Variants in DMD observed in about 807,000 individuals in gnomAD.
DMD encodes the protein mutant dystrophin.
A neutral mutation model predicts 330.1 loss-of-function variants in DMD; 63 were observed. The ratio of observed to expected loss-of-function variants is 0.19; its 90% CI spans 0.16 to 0.24. The LOEUF (loss-of-function observed/expected upper bound fraction) is 0.24, where lower values mean the gene tolerates loss of function less well. Among genes scored for constraint, DMD ranks in the 10% least tolerant of loss-of-function variants. The pLI is 1.00. For synonymous variants in DMD, 1,223 were observed against 959.8 expected (o/e 1.27, Z -5.07); for missense variants, 3,344 against 2,684.1 (o/e 1.25, Z -5.43).
chrX:32,976,656 C>G (rs1024778305), intron 2 of DMD, among the ~76,000 whole-genome samples: 1 of 111,619 alleles, frequency 9.0e-6, no homozygotes, highest in African/African-American at 3.3e-5. Flanking sequence ...ATCATTCATA[C>G]CACTCACCTG....
chrX:31,758,355 G>A (rs976749432), intron 51 of DMD, among the ~76,000 whole-genome samples: 14 of 110,798 alleles, frequency 1.3e-4, no homozygotes, highest in African/African-American at 4.6e-4. Flanking sequence ...ACTGACTTTC[G>A]CAAAACCATC....
intron 22 of DMD, among the ~76,000 whole-genome samples, chrX:32,469,775 G>C (rs2040426093): frequency 9.0e-6 from 1 of 110,558 alleles, no homozygotes. Flanking sequence ...TCCATTATTA[G>C]TTCTACACAT....
chrX:31,571,146 A>G (rs1227574224), intron 55 of DMD, among the ~76,000 whole-genome samples: 1 of 111,363 alleles, frequency 9.0e-6, no homozygotes, highest in Non-Finnish European at 1.9e-5. Context: ...ACTCAATAGC[A>G]TTGTTAAATA....
At chrX:32,664,301 G>A (rs1355172148) in intron 9 of DMD, among the ~76,000 whole-genome samples, 1 of 101,017 alleles carries the variant, frequency 9.9e-6, no homozygotes, top group Non-Finnish European at 2.0e-5. Flanking sequence ...GAGTGCAGTA[G>A]CGCGATATCC....
intron 1 of DMD, among the ~76,000 whole-genome samples, chrX:33,076,769 C>T (rs1227991938): frequency 9.0e-6 from 1 of 111,687 alleles, no homozygotes; most frequent in Non-Finnish European, 1.9e-5. Flanking sequence ...AGGTTCAACT[C>T]GCCTGCTGCC....
chrX:32,342,585 C>T, intron 40 of DMD: 1 of 318,061 alleles, frequency 3.1e-6, no homozygotes, highest in Non-Finnish European at 5.5e-6. Flanking sequence ...GGAGTGATAA[C>T]TCATTATTTA....
intron 7 of DMD, among the ~76,000 whole-genome samples, chrX:32,718,317 C>G (rs757873742): frequency 9.0e-6 from 1 of 110,818 alleles, no homozygotes; most frequent in Non-Finnish European, 1.9e-5. Flanking sequence ...CTCATGATAT[C>G]TGGTTGTGTG....
At chrX:32,680,724 C>T (rs1438572573) in intron 9 of DMD, among the ~76,000 whole-genome samples, 1 of 110,879 alleles carries the variant, frequency 9.0e-6, no homozygotes, top group African/African-American at 3.3e-5. Flanking sequence ...CATTTTGAGC[C>T]TCAACATTGT....
At chrX:32,337,317 G>T (rs1310014684) in intron 41 of DMD, among the ~76,000 whole-genome samples, 1 of 109,086 alleles carries the variant, frequency 9.2e-6, no homozygotes, top group Non-Finnish European at 1.9e-5. Context: ...CGTAGATGGG[G>T]GGTGGATCAT....
chrX:31,414,260 C>G (rs1481237443), intron 60 of DMD, among the ~76,000 whole-genome samples: 1 of 111,085 alleles, frequency 9.0e-6, no homozygotes, highest in African/African-American at 3.3e-5. Flanking sequence ...AATGATCTAC[C>G]CACCTCGGCC....
chrX:32,979,368 T>C (rs759154952), intron 2 of DMD, among the ~76,000 whole-genome samples: 1 of 112,151 alleles, frequency 8.9e-6, no homozygotes, highest in African/African-American at 3.2e-5. Context: ...GTGTTTTTCA[T>C]ACTAGGTAAT....
chrX:32,716,329 T>A (rs945418610), intron 7 of DMD, among the ~76,000 whole-genome samples: 6 of 110,374 alleles, frequency 5.4e-5, no homozygotes, highest in African/African-American at 2.0e-4. Flanking sequence ...TCTGGTTGTT[T>A]AAAAGTGTGT....
rs996821795 is a variant in DMD, at chrX:32,942,899, A to C, written c.93+77240T>G. Among the ~76,000 whole-genome samples the C allele has an allele frequency of 1.3e-4, 15 of 111,811 alleles. No individual in the cohort carries two copies. The Admixed American group carries it at 1.4e-3, about 11-fold the overall frequency. ...GGAGGACCACTAAAATCCCCATTTT[A>C]TCATGTGAAGGGTTAAGACATACTT... On this transcript the variant is annotated intron_variant, in intron 2 of 78. Coordinates refer to ENST00000357033, the MANE Select transcript of DMD (RefSeq NM_004006.3).
intron 45 of DMD, among the ~76,000 whole-genome samples, chrX:31,938,655 C>T (rs1178086381): frequency 9.0e-6 from 1 of 111,423 alleles, no homozygotes; most frequent in Non-Finnish European, 1.9e-5. Flanking sequence ...TATAGTACTG[C>T]TGAATCTAGA....
intron 9 of DMD, among the ~76,000 whole-genome samples, chrX:32,655,031 T>A (rs2060458543): frequency 1.8e-5 from 2 of 111,935 alleles, no homozygotes; most frequent in South Asian, 3.7e-4. Flanking sequence ...TATTTGATTC[T>A]TCTCTCTTTT....
intron 17 of DMD, among the ~76,000 whole-genome samples, chrX:32,537,901 T>C (rs987043893): frequency 1.8e-5 from 2 of 112,217 alleles, no homozygotes; most frequent in Admixed American, 9.4e-5. Context: ...ATAGCTACTG[T>C]AGCCAGACAT....
chrX:32,518,218 C>A, intron 17 of DMD, 87 bp from the exon 18 acceptor site: 1 of 972,022 alleles, frequency 1.0e-6, no homozygotes, highest in Non-Finnish European at 1.4e-6. Context: ...ATTTATCATT[C>A]TTTTCTCAAT....
At chrX:32,021,093 C>T (rs1423482622) in intron 44 of DMD, among the ~76,000 whole-genome samples, 2 of 112,192 alleles carry the variant, frequency 1.8e-5, no homozygotes, top group African/African-American at 6.5e-5. Context: ...TAAACATGCA[C>T]TATAAAACAT....
chrX:31,408,571 G>A (rs2061502160), intron 60 of DMD, among the ~76,000 whole-genome samples: 1 of 110,530 alleles, frequency 9.0e-6, no homozygotes, highest in Admixed American at 9.6e-5. Context: ...GCTAATTTTT[G>A]TATTTTTAGT....
Sources: allele counts gnomAD v4.1 joint callset (sites outside exome capture counted in the v4.1 genomes callset), GRCh38; gene constraint gnomAD v4.1.1; transcripts MANE v1.5; gene names NCBI Gene and HGNC (gene_info 2026-07-23, HGNC 2026-07-21).